The following GALNT9 variants were observed in gnomAD, a reference collection of about 807,000 sequenced individuals.
GALNT9 encodes polypeptide N-acetylgalactosaminyltransferase 9.
In GALNT9, 47 loss-of-function variants were observed where a neutral mutation model predicts 63.1. The ratio of observed to expected loss-of-function variants is 0.75; its 90% CI spans 0.59 to 0.95. The LOEUF (loss-of-function observed/expected upper bound fraction) is 0.95, where lower values mean the gene tolerates loss of function less well. Among genes scored for constraint, GALNT9 ranks in the 40% least tolerant of loss-of-function variants. The pLI is 0.00. For missense variants in GALNT9, 829 were observed against 874.8 expected, an observed-to-expected ratio of 0.95 and a Z score of 0.66; for synonymous variants, 396 against 365.7, an observed-to-expected ratio of 1.08 and a Z score of -0.94.
chr12:132,255,826 A>G (rs561082640), intron 5 of GALNT9, among the ~76,000 whole-genome samples: 13 of 152,250 alleles, frequency 8.5e-5, no homozygotes, highest in Admixed American at 7.2e-4. Flanking sequence ...CCGCGATGAC[A>G]ACACCGCGTG....
At chr12:132,301,921 A>G (rs1395337692) in intron 1 of GALNT9, among the ~76,000 whole-genome samples, 1 of 152,252 alleles carries the variant, frequency 6.6e-6, no homozygotes, top group Non-Finnish European at 1.5e-5. Context: ...TTGCAGTCGT[A>G]GCAATGACCT....
intron 2 of GALNT9, chr12:132,283,647 C>T (rs1196607841): frequency 6.6e-6 from 1 of 152,304 alleles, no homozygotes; most frequent in Non-Finnish European, 1.5e-5. Flanking sequence ...GTCCACGAGA[C>T]CAGCCCAGTG....
At chr12:132,266,201 C>T (rs1158054609) in intron 2 of GALNT9, among the ~76,000 whole-genome samples, 1 of 152,184 alleles carries the variant, frequency 6.6e-6, no homozygotes, top group Non-Finnish European at 1.5e-5. Context: ...CAACCGCGGG[C>T]CTGTCTGCCT....
chr12:132,289,146 T>C (rs1388052959), intron 1 of GALNT9, among the ~76,000 whole-genome samples: 2 of 152,218 alleles, frequency 1.3e-5, no homozygotes, highest in African/African-American at 2.4e-5. Context: ...CCAGGAAGTT[T>C]GCTCTGTTAA....
intron 6 of GALNT9, among the ~76,000 whole-genome samples, chr12:132,207,743 G>A (rs938740244): frequency 7.9e-5 from 12 of 152,158 alleles, no homozygotes; most frequent in South Asian, 2.1e-4. Context: ...CTGAGCTTTC[G>A]GGGTGTGTGA....
chr12:132,319,748 G>A lies in GALNT9; in HGVS notation c.238+9218C>T, dbSNP rs541557173. 7.2e-5 allele frequency among the ~76,000 whole-genome samples: 11 copies of A among 152,308 alleles called. No individual in the cohort carries two copies. In the South Asian group the frequency reaches 1.7e-3, roughly 23 times the overall value. On this transcript the variant is annotated intron_variant, in intron 1 of 10. Transcript: ENST00000328957. The surrounding 1 kb of genome is among the most constrained non-coding windows in gnomAD (Gnocchi z 5.2). ...ACGCGGCCACAGGTCACCTCAGGTC[G>A]CCTCGGGTGCTCCTCCCGCAGCCCC... is the stretch of plus-strand genomic sequence containing the variant.
At chr12:132,203,072 C>T (rs546726996) in intron 7 of GALNT9, among the ~76,000 whole-genome samples, 25 of 152,264 alleles carry the variant, frequency 1.6e-4, no homozygotes, top group African/African-American at 4.3e-4. Flanking sequence ...AGCCACACAG[C>T]GTATGAGCCG....
rs370356913 is a variant in GALNT9, at chr12:132,262,459, C to T, written c.586G>A (p.Val196Met). Residue 196 changes from valine to methionine, a missense_variant and splice_region_variant, in exon 3 of 11, where the codon GTG becomes ATG. Val to Met is a conservative substitution (Grantham distance 21). Transcript: ENST00000328957. ...CCGTGCCGAGGCCCCGCCCACTCAC[C>T]GTTGTCACTGTTGTCGTCCACCAGG... ...VILVDDNSDN[V>M]ELKFNLDQYV... 71 of 1,549,326 alleles carry T rather than the reference C, an allele frequency of 4.6e-5. No individual in the cohort carries two copies. The highest frequency in any genetic ancestry group is 1.4e-4 in the African/African-American group (10 of 73,148).
At chr12:132,314,945 C>T (rs1301958754) in intron 1 of GALNT9, among the ~76,000 whole-genome samples, 1 of 152,220 alleles carries the variant, frequency 6.6e-6, no homozygotes, top group East Asian at 1.9e-4. Context: ...AGCGCCATCA[C>T]TTATCAAGCG....
At chr12:132,220,074 C>T (rs1358706340) in intron 6 of GALNT9, among the ~76,000 whole-genome samples, 2 of 152,218 alleles carry the variant, frequency 1.3e-5, no homozygotes, top group African/African-American at 4.8e-5. Context: ...TAAGCCACAA[C>T]TTCCATAAAA....
intron 6 of GALNT9, among the ~76,000 whole-genome samples, chr12:132,213,938 C>G (rs2135515589): frequency 6.6e-6 from 1 of 152,338 alleles, no homozygotes; most frequent in Admixed American, 6.5e-5. Context: ...CCCAACCCCA[C>G]CCCCTATGTC....
At chr12:132,261,987 G>A (rs1879405069) in intron 3 of GALNT9, among the ~76,000 whole-genome samples, 1 of 152,232 alleles carries the variant, frequency 6.6e-6, no homozygotes, top group South Asian at 2.1e-4. Flanking sequence ...AGCCTCTGTG[G>A]GCAAGAGAGG....
intron 6 of GALNT9, among the ~76,000 whole-genome samples, chr12:132,226,706 T>A (rs1877705276): frequency 9.9e-6 from 1 of 101,060 alleles, no homozygotes; most frequent in Non-Finnish European, 1.9e-5. Flanking sequence ...CCCCACACAC[T>A]GTACATACAC....
chr12:132,237,870 T>C (rs2136895658), intron 6 of GALNT9, among the ~76,000 whole-genome samples: 1 of 152,256 alleles, frequency 6.6e-6, no homozygotes, highest in Non-Finnish European at 1.5e-5. Context: ...GAACCCTCCA[T>C]CTGTGGCATG....
chr12:132,240,764 TG>T (rs2136899440), intron 6 of GALNT9: 41 of 455,204 alleles, frequency 9.0e-5, no homozygotes, highest in Non-Finnish European at 1.7e-4. Context: ...CCAGCAGAAT[TG>T]GAATGTGCAG....
intron 2 of GALNT9, among the ~76,000 whole-genome samples, chr12:132,285,077 C>T (rs1555242038): frequency 6.6e-6 from 1 of 152,232 alleles, no homozygotes; most frequent in Non-Finnish European, 1.5e-5. Flanking sequence ...GCTCCTGGCC[C>T]AAGAATCCCG....
In GALNT9 at chr12:132,261,198, G is replaced by T. The variant is rs908798147; in HGVS notation, c.587-76C>A. The T allele has an allele frequency of 2.6e-6, 4 of 1,531,814 alleles. No individual in the cohort carries two copies. In the African/African-American group the frequency reaches 5.6e-5, roughly 21 times the overall value. 94.9% of individuals were successfully genotyped at this position (1,531,814 alleles called of 1,614,324 possible). On this transcript the variant is annotated intron_variant, in intron 3 of 10. Transcript: ENST00000328957. ...GCCACCAAGACCCAAGGCTGGAAAT[G>T]CTGCGTGCCGCGTGTGGGATGGGTG... is the stretch of plus-strand genomic sequence containing the variant.
chr12:132,201,014 A>G (rs1434182936), intron 8 of GALNT9, 110 bp downstream of exon 8: 2 of 1,084,786 alleles, frequency 1.8e-6, no homozygotes, highest in African/African-American at 1.6e-5. Context: ...GGGAGGCGCT[A>G]CCTCTCCGTG....
rs982718371 is a variant in GALNT9, at chr12:132,271,368, C to T, written c.420-8743G>A. On this transcript the variant is annotated intron_variant, in intron 2 of 10. Coordinates refer to ENST00000328957, the MANE Select transcript of GALNT9 (RefSeq NM_001122636.2). Reference sequence around the variant, plus strand: ...TCACTCTGCCTCCGCCGCTCCCACCCGCACACCTGTACATCTGCCTTCTTG... The same window carrying T: ...TCACTCTGCCTCCGCCGCTCCCACCTGCACACCTGTACATCTGCCTTCTTG... Among the ~76,000 whole-genome samples the T allele has an allele frequency of 3.9e-5, 6 of 152,176 alleles. No individual in the cohort carries two copies. In the South Asian group the frequency reaches 1.2e-3, roughly 31 times the overall value.
Sources: gnomAD v4.1 joint callset for allele counts (sites outside exome capture counted in the v4.1 genomes callset) on GRCh38, gnomAD v4.1.1 for gene constraint, Gnocchi (gnomAD v3.1) non-coding constraint, MANE v1.5 for transcripts, NCBI Gene and HGNC (gene_info 2026-07-23, HGNC 2026-07-21) for gene names.